Variants in AKAP6 observed in about 807,000 individuals in gnomAD.
AKAP6 encodes the protein A-kinase anchor protein 6.
Under a neutral mutation model 188.5 loss-of-function variants are expected in AKAP6, and 58 were observed. The observed-to-expected ratio is 0.31, with a 90% CI of 0.25 to 0.38. The LOEUF (loss-of-function observed/expected upper bound fraction) is 0.38. AKAP6 is among the 10% of genes least tolerant of loss of function. AKAP6 has a pLI of 1.00. For synonymous variants in AKAP6, 989 were observed against 998.6 expected (o/e 0.99, Z 0.18); for missense variants, 2,710 against 2,740.0 (o/e 0.99, Z 0.24).
intron 1 of AKAP6, among the ~76,000 whole-genome samples, chr14:32,376,721 G>A (rs1734743799): frequency 6.6e-6 from 1 of 152,094 alleles, no homozygotes; most frequent in Non-Finnish European, 1.5e-5. Flanking sequence ...TTTTTTGACA[G>A]AGTATCACTC....
chr14:32,471,522 A>G (rs900773994), intron 2 of AKAP6, among the ~76,000 whole-genome samples: 1 of 152,212 alleles, frequency 6.6e-6, no homozygotes, highest in African/African-American at 2.4e-5. Context: ...GGGGGAATCC[A>G]AGTCCATGGC....
chr14:32,550,782 C>T (rs1215508660), intron 4 of AKAP6, among the ~76,000 whole-genome samples: 1 of 152,184 alleles, frequency 6.6e-6, no homozygotes, highest in East Asian at 1.9e-4. Flanking sequence ...ATTCTTATAA[C>T]AACCCTCTAA....
intron 2 of AKAP6, among the ~76,000 whole-genome samples, chr14:32,496,496 T>C (rs935265865): frequency 1.3e-5 from 2 of 151,992 alleles, no homozygotes; most frequent in Non-Finnish European, 2.9e-5. Flanking sequence ...GAGTGGCCTA[T>C]TGATATATTG....
At chr14:32,659,020 A>G (rs10135053) in intron 7 of AKAP6, among the ~76,000 whole-genome samples, 90,142 of 151,874 alleles carry the variant, frequency 0.59, 27,329 homozygotes, top group East Asian at 0.94. Flanking sequence ...TATCACTTAC[A>G]AAGACAAGCA....
intron 7 of AKAP6, among the ~76,000 whole-genome samples, chr14:32,668,396 A>T (rs1446129608): frequency 6.6e-6 from 1 of 152,090 alleles, no homozygotes. Flanking sequence ...TAAACATCTC[A>T]TCTGTCATTA....
At chr14:32,509,186 G>A (rs1435834468) in intron 2 of AKAP6, among the ~76,000 whole-genome samples, 5 of 145,164 alleles carry the variant, frequency 3.4e-5, no homozygotes, top group Admixed American at 2.1e-4. Context: ...GTGCAGTGGC[G>A]CGATCTCGGC....
intron 4 of AKAP6, among the ~76,000 whole-genome samples, chr14:32,576,336 C>CCT: frequency 6.6e-6 from 1 of 152,108 alleles, no homozygotes; most frequent in Non-Finnish European, 1.5e-5. Flanking sequence ...ATTTCTTTCA[C>CCT]TTAGGTTTGC....
chr14:32,772,193 A>C (rs2032920555), intron 11 of AKAP6, among the ~76,000 whole-genome samples: 1 of 152,170 alleles, frequency 6.6e-6, no homozygotes, highest in Admixed American at 6.5e-5. Context: ...TAGTAGGCTT[A>C]GGTTTTATCT....
chr14:32,616,373 C>A (rs1444863285), intron 7 of AKAP6, among the ~76,000 whole-genome samples: 1 of 152,104 alleles, frequency 6.6e-6, no homozygotes, highest in East Asian at 1.9e-4. Flanking sequence ...CAATTGTAGA[C>A]TGGATAAAGA....
chr14:32,514,279 A>T (rs942056330), intron 2 of AKAP6, among the ~76,000 whole-genome samples: 2 of 152,156 alleles, frequency 1.3e-5, no homozygotes, highest in African/African-American at 2.4e-5. Flanking sequence ...AGACCTAAAA[A>T]CTTGTGTCTA....
At chr14:32,679,760 T>A (rs917404888) in intron 8 of AKAP6, among the ~76,000 whole-genome samples, 2 of 152,236 alleles carry the variant, frequency 1.3e-5, no homozygotes, top group East Asian at 3.8e-4. Context: ...TTCTATAACT[T>A]GTTGCTCCAT....
intron 3 of AKAP6, 80 bp downstream of exon 3, chr14:32,535,885 TAG>T: frequency 6.5e-7 from 1 of 1,527,318 alleles, no homozygotes; most frequent in East Asian, 2.3e-5. Context: ...AGATGTAGGA[TAG>T]GAATTCTTTG....
At chr14:32,827,664 G>T (rs1407050362) in intron 13 of AKAP6, among the ~76,000 whole-genome samples, 1 of 152,168 alleles carries the variant, frequency 6.6e-6, no homozygotes, top group East Asian at 1.9e-4. Context: ...TCAAAGGAAA[G>T]GTAACTGGAT....
chr14:32,609,419 A>T (rs1398107630), intron 7 of AKAP6, among the ~76,000 whole-genome samples: 2 of 152,154 alleles, frequency 1.3e-5, no homozygotes, highest in Non-Finnish European at 1.5e-5. Context: ...CACTGTGCCT[A>T]AATGAAGGTT....
chr14:32,732,416 T>G, intron 9 of AKAP6, 38 bp from the exon 10 acceptor site: 1 of 1,585,058 alleles, frequency 6.3e-7, no homozygotes, highest in Non-Finnish European at 8.6e-7. Flanking sequence ...AGAACACCTC[T>G]CTCCCTAATG....
In AKAP6 at chr14:32,370,316, G is replaced by C. The variant is rs1022750006; in HGVS notation, c.-35+40908G>C. ...CACACAGAAGGGAGAAGCTTTCTTG[G>C]TCCTTAGCCACCATCAGTTTGTGCC... On this transcript the variant is annotated intron_variant, in intron 1 of 13. Transcript: ENST00000280979. 1.1e-4 allele frequency among the ~76,000 whole-genome samples: 17 copies of C among 152,316 alleles called. 1 individual carries two copies. In the South Asian group the frequency reaches 2.9e-3, roughly 26 times the overall value.
chr14:32,510,479 T>TATATGTGTATGTATATATATAC (rs1881196568), intron 2 of AKAP6, among the ~76,000 whole-genome samples: 3 of 97,916 alleles, frequency 3.1e-5, no homozygotes, highest in African/African-American at 1.3e-4. Flanking sequence ...TATATATACA[T>TATATGTGTATGTATATATATAC]ATATATATGT....
chr14:32,811,058 A>T (rs1471233913), intron 12 of AKAP6, among the ~76,000 whole-genome samples: 5 of 151,684 alleles, frequency 3.3e-5, no homozygotes, highest in South Asian at 4.2e-4. Flanking sequence ...GCTAACATGG[A>T]GAAACCCCGT....
intron 1 of AKAP6, among the ~76,000 whole-genome samples, chr14:32,360,941 G>C (rs565596725): frequency 6.6e-6 from 1 of 151,478 alleles, no homozygotes; most frequent in African/African-American, 2.4e-5. Context: ...AGAGATGGGG[G>C]TCTCACTATA....
Sources: gnomAD v4.1 joint callset for allele counts (sites outside exome capture counted in the v4.1 genomes callset) on GRCh38, gnomAD v4.1.1 for gene constraint, MANE v1.5 for transcripts, NCBI Gene and HGNC (gene_info 2026-07-23, HGNC 2026-07-21) for gene names.